Variants in CPE observed in about 807,000 individuals in gnomAD.
The protein encoded by CPE is carbocypeptidase E.
Under a neutral mutation model 53.5 loss-of-function variants are expected in CPE, and 17 were observed. The ratio of observed to expected loss-of-function variants is 0.32; its 90% CI spans 0.22 to 0.48. The LOEUF is 0.48. Among genes scored for constraint, CPE ranks in the 20% least tolerant of loss-of-function variants. The pLI is 0.99. For synonymous variants in CPE, 226 were observed against 228.8 expected (o/e 0.99, Z 0.11); for missense variants, 524 against 614.7 (o/e 0.85, Z 1.56).
At chr4:165,391,286 A>AT (rs1359461266) in intron 1 of CPE, among the ~76,000 whole-genome samples, 2 of 152,124 alleles carry the variant, frequency 1.3e-5, no homozygotes, top group Non-Finnish European at 2.9e-5. Flanking sequence ...ACTTGTTAAT[A>AT]TTTTTTCAAA....
chr4:165,481,214 C>T (rs1444126387), intron 3 of CPE, among the ~76,000 whole-genome samples: 2 of 152,102 alleles, frequency 1.3e-5, no homozygotes, highest in Non-Finnish European at 2.9e-5. Flanking sequence ...GAACTCTTAG[C>T]TGTGTGAACT....
intron 1 of CPE, among the ~76,000 whole-genome samples, chr4:165,441,042 G>A (rs1020458229): frequency 6.6e-6 from 1 of 152,152 alleles, no homozygotes; most frequent in Non-Finnish European, 1.5e-5. Context: ...AGGCAAAGTC[G>A]GAGACGTGCA....
At chr4:165,492,440 A>G (rs1306592859) in intron 6 of CPE, among the ~76,000 whole-genome samples, 2 of 152,218 alleles carry the variant, frequency 1.3e-5, no homozygotes, top group Non-Finnish European at 2.9e-5. Flanking sequence ...CTTTACACAT[A>G]TTGGAGCAGG....
chr4:165,441,159 C>T (rs759954495), intron 1 of CPE, among the ~76,000 whole-genome samples: 40 of 152,096 alleles, frequency 2.6e-4, no homozygotes, highest in Admixed American at 1.2e-3. Flanking sequence ...ATGACTGTTT[C>T]CCTGGCAGAA....
Position 165,472,724 on chromosome 4 carries a change from C to G in CPE, c.672+4869C>G, listed in dbSNP as rs141009941. On this transcript the variant is annotated intron_variant, in intron 3 of 8. Transcript: ENST00000402744. ...GCTCAAACCTTCAGCTTTATCCTAT[C>G]TAACTTTAAAAAATCCTTTAACTCT... Among the ~76,000 whole-genome samples, 556 of 152,286 alleles carry G rather than the reference C, an allele frequency of 3.7e-3. 2 individuals carry two copies. Among genetic ancestry groups the G allele is most frequent in the African/African-American group, 0.012 (515 of 41,566 alleles).
At chr4:165,411,731 A>G (rs1309240814) in intron 1 of CPE, among the ~76,000 whole-genome samples, 1 of 152,204 alleles carries the variant, frequency 6.6e-6, no homozygotes, top group African/African-American at 2.4e-5. Context: ...TGATCAAGTG[A>G]TTAATGCAAT....
At chr4:165,381,250 G>C (rs1172146757) in intron 1 of CPE, 1 of 456,224 alleles carries the variant, frequency 2.2e-6, no homozygotes, top group South Asian at 1.5e-5. Flanking sequence ...GGAATATATA[G>C]TTCATCAAGG....
At chr4:165,424,086 G>A (rs1731275356) in intron 1 of CPE, among the ~76,000 whole-genome samples, 1 of 151,014 alleles carries the variant, frequency 6.6e-6, no homozygotes, top group African/African-American at 2.4e-5. Flanking sequence ...TGCCTACTTA[G>A]ACTTCTAAAG....
chr4:165,414,508 A>C (rs1731090338), intron 1 of CPE, among the ~76,000 whole-genome samples: 1 of 152,172 alleles, frequency 6.6e-6, no homozygotes, highest in South Asian at 2.1e-4. Context: ...TGCAGTCAGG[A>C]AGCTTGGAAT....
At chr4:165,438,548 A>T (rs1228820596) in intron 1 of CPE, among the ~76,000 whole-genome samples, 3 of 152,188 alleles carry the variant, frequency 2.0e-5, no homozygotes, top group African/African-American at 4.8e-5. Context: ...GATTCTAACT[A>T]TGAACAAAGC....
intron 1 of CPE, among the ~76,000 whole-genome samples, chr4:165,414,672 T>C (rs1484529668): frequency 2.7e-5 from 4 of 150,722 alleles, no homozygotes; most frequent in South Asian, 4.2e-4. Flanking sequence ...AACGTAGATA[T>C]AGAGATAAAG....
intron 1 of CPE, among the ~76,000 whole-genome samples, chr4:165,426,375 A>G (rs17046449): frequency 0.3 from 44,998 of 152,116 alleles, 6,745 homozygotes; most frequent in Middle Eastern, 0.39. Flanking sequence ...TGGTGATTAA[A>G]TCATCTCAGT....
chr4:165,414,045 CTT>C (rs1731084213), intron 1 of CPE, among the ~76,000 whole-genome samples: 1 of 152,110 alleles, frequency 6.6e-6, no homozygotes, highest in Non-Finnish European at 1.5e-5. Flanking sequence ...GAAAAAAAGT[CTT>C]GGTTTTGTTA....
intron 1 of CPE, among the ~76,000 whole-genome samples, chr4:165,382,769 A>G (rs1730523380): frequency 6.6e-6 from 1 of 152,210 alleles, no homozygotes; most frequent in Non-Finnish European, 1.5e-5. Flanking sequence ...AGTGATCTTT[A>G]TACATGCTTG....
At chr4:165,403,441 A>G (rs1456237716) in intron 1 of CPE, among the ~76,000 whole-genome samples, 2 of 152,208 alleles carry the variant, frequency 1.3e-5, no homozygotes, top group Non-Finnish European at 2.9e-5. Context: ...GTGGAGTGGT[A>G]TGGAAAATGT....
At chr4:165,432,578 G>A (rs1337430188) in intron 1 of CPE, among the ~76,000 whole-genome samples, 2 of 152,190 alleles carry the variant, frequency 1.3e-5, no homozygotes, top group African/African-American at 2.4e-5. Flanking sequence ...TTATAGACAT[G>A]AGCCACCATG....
intron 3 of CPE, among the ~76,000 whole-genome samples, chr4:165,475,865 G>T (rs1290550513): frequency 1.3e-5 from 2 of 152,180 alleles, no homozygotes; most frequent in Non-Finnish European, 2.9e-5. Context: ...CGGGAGCAGA[G>T]CCATTGTGGC....
Position 165,432,833 on chromosome 4 carries a change from G to A in CPE, c.308-31557G>A, listed in dbSNP as rs189720716. ...AGCTGCTCCTACCAGAGACCTGGGAGTTATTCCAGGTGCCTCCTTATCCCT... is the reference window on the plus strand; with the variant it reads ...AGCTGCTCCTACCAGAGACCTGGGAATTATTCCAGGTGCCTCCTTATCCCT... On this transcript the variant is annotated intron_variant, in intron 1 of 8. Transcript: ENST00000402744. 9.0e-4 allele frequency among the ~76,000 whole-genome samples: 137 copies of A among 152,266 alleles called. 1 individual carries two copies. Among genetic ancestry groups the A allele is most frequent in the African/African-American group, 3.1e-3 (130 of 41,560 alleles).
intron 1 of CPE, among the ~76,000 whole-genome samples, chr4:165,431,253 G>A (rs191597215): frequency 9.8e-5 from 15 of 152,294 alleles, no homozygotes; most frequent in Admixed American, 2.0e-4. Flanking sequence ...CCACACGTAC[G>A]TGATGCCACC....
Sources: gnomAD v4.1 joint callset for allele counts (sites outside exome capture counted in the v4.1 genomes callset) on GRCh38, gnomAD v4.1.1 for gene constraint, MANE v1.5 for transcripts, NCBI Gene and HGNC (gene_info 2026-07-23, HGNC 2026-07-21) for gene names.